CAST: variants seen among roughly 807,000 people sequenced by gnomAD.
CAST encodes the protein calpastatin.
A neutral mutation model predicts 119.6 loss-of-function variants in CAST; 76 were observed. The observed-to-expected ratio is 0.64, with a 90% CI of 0.53 to 0.77. The LOEUF (loss-of-function observed/expected upper bound fraction) is 0.77. Among genes scored for constraint, CAST ranks in the 30% least tolerant of loss-of-function variants. CAST has a pLI of 0.00. For synonymous variants in CAST, 319 were observed against 331.6 expected, an observed-to-expected ratio of 0.96 and a Z score of 0.41; for missense variants, 953 against 946.5, an observed-to-expected ratio of 1.01 and a Z score of -0.09.
chr5:96,254,327 T>G, the CAST span, among the ~76,000 whole-genome samples: 1 of 152,132 alleles, frequency 6.6e-6, no homozygotes, highest in Non-Finnish European at 1.5e-5. Context: ...ATGTTATTAC[T>G]TATTTCAGAA....
Position 96,741,301 on chromosome 5 carries a change from G to A in CAST, c.954G>A (p.Leu318=), listed in dbSNP as rs529588489. 8.4e-5 allele frequency: 135 copies of A among 1,613,294 alleles called. No individual in the cohort carries two copies. The highest frequency in any genetic ancestry group is 1.1e-4 in the Non-Finnish European group (124 of 1,179,288). Residue 318 remains leucine, a synonymous_variant, in exon 14 of 32, where the codon TTG becomes TTA. Transcript: ENST00000675179. Reference sequence around the variant, plus strand: ...GGCCAGATGATGCTATAGACGCCTTGTCATCTGACTTCACCTGTGGGTCGC... The same window carrying A: ...GGCCAGATGATGCTATAGACGCCTTATCATCTGACTTCACCTGTGGGTCGC... ...PIGPDDAIDA[L]SSDFTCGSPT...
At chr5:96,740,980 A>G (rs1175115088) in intron 13 of CAST, 197 bp downstream of exon 13, 2 of 597,110 alleles carry the variant, frequency 3.3e-6, no homozygotes, top group African/African-American at 3.7e-5. Flanking sequence ...AGGTTTTTTG[A>G]GGGAAAGGAG....
the CAST span, among the ~76,000 whole-genome samples, chr5:96,256,603 A>G: frequency 6.6e-6 from 1 of 151,442 alleles, no homozygotes; most frequent in Admixed American, 6.6e-5. Context: ...GGCAGTTATA[A>G]CACAATGCTA....
At chr5:96,538,756 C>CTCAGCTACATGATCTTCTTG (rs11272739) in intron 1 of CAST, among the ~76,000 whole-genome samples, 70,827 of 151,336 alleles carry the variant, frequency 0.47, 17,250 homozygotes, top group East Asian at 0.86. Context: ...ACACCGCTCC[C>CTCAGCTACATGATCTTCTTG]TCAGAAATGA....
intron 2 of CAST, among the ~76,000 whole-genome samples, chr5:96,686,720 G>A (rs1480354618): frequency 6.6e-6 from 1 of 152,118 alleles, no homozygotes; most frequent in Admixed American, 6.5e-5. Flanking sequence ...AAGAACAGCA[G>A]ATAAAGCAAT....
At chr5:96,663,393 G>T (rs1487309646) in intron 1 of CAST, among the ~76,000 whole-genome samples, 1 of 152,204 alleles carries the variant, frequency 6.6e-6, no homozygotes, top group Admixed American at 6.5e-5. Flanking sequence ...CGTGCGCGGC[G>T]CATGCACCTC....
chr5:96,079,300 T>C, the CAST span: 1 of 327,858 alleles, frequency 3.1e-6, no homozygotes, highest in Non-Finnish European at 6.2e-6. Flanking sequence ...GGCTTGTTAC[T>C]CATTTGGCTA....
At chr5:96,633,881 C>T (rs1735271911) in intron 1 of CAST, among the ~76,000 whole-genome samples, 1 of 152,200 alleles carries the variant, frequency 6.6e-6, no homozygotes, top group South Asian at 2.1e-4. Flanking sequence ...TTCAGGCCTT[C>T]CCCTGTTAAA....
chr5:96,684,149 G>A (rs1751773929), intron 2 of CAST, among the ~76,000 whole-genome samples: 1 of 152,138 alleles, frequency 6.6e-6, no homozygotes, highest in Non-Finnish European at 1.5e-5. Context: ...CTCACTAAGG[G>A]CACATTCCTT....
chr5:96,749,826 A>G (rs752077256), intron 19 of CAST, among the ~76,000 whole-genome samples: 9 of 152,242 alleles, frequency 5.9e-5, no homozygotes, highest in African/African-American at 9.6e-5. Flanking sequence ...GATCACAGGC[A>G]TGAGCCACCA....
chr5:96,529,307 C>A (rs1396368309), upstream of CAST, among the ~76,000 whole-genome samples: 1 of 151,360 alleles, frequency 6.6e-6, no homozygotes, highest in Non-Finnish European at 1.5e-5. Context: ...GTGATAAATG[C>A]CAGTTAAAAG....
At chr5:96,078,012 A>G in the CAST span, among the ~76,000 whole-genome samples, 1 of 152,316 alleles carries the variant, frequency 6.6e-6, no homozygotes, top group East Asian at 1.9e-4. Flanking sequence ...ATCTGAAACC[A>G]TCTCACTACA....
At chr5:96,180,372 A>C in the CAST span, among the ~76,000 whole-genome samples, 1 of 152,214 alleles carries the variant, frequency 6.6e-6, no homozygotes, top group Non-Finnish European at 1.5e-5. Context: ...AACAAGCTTA[A>C]AGTTGTGAGA....
the CAST span, among the ~76,000 whole-genome samples, chr5:96,175,013 A>T: frequency 6.6e-6 from 1 of 152,334 alleles, no homozygotes; most frequent in East Asian, 1.9e-4. Flanking sequence ...ATTTTCTAAT[A>T]TATATGAAAA....
In CAST at chr5:96,773,496, G is replaced by A. The variant is rs1437007632; in HGVS notation, c.*880G>A. 6.6e-6 allele frequency: 1 copy of A among 152,274 alleles called. No homozygotes were observed. Among genetic ancestry groups the A allele is most frequent in the Non-Finnish European group, 1.5e-5 (1 of 68,004 alleles). 9.4% of individuals were successfully genotyped at this position (152,274 alleles called of 1,614,324 possible). ...TATACATAAAACCTGAGCAGCAACT[G>A]TGTCTTTAGAGCTATTGCCACATTA... On this transcript the variant is annotated 3_prime_UTR_variant, in exon 32 of 32. Transcript: ENST00000675179.
chr5:96,684,504 C>A (rs562210779), intron 2 of CAST, among the ~76,000 whole-genome samples: 9 of 151,852 alleles, frequency 5.9e-5, no homozygotes, highest in Admixed American at 2.0e-4. Flanking sequence ...GTAAAACCAA[C>A]TACATGCAAC....
intron 9 of CAST, among the ~76,000 whole-genome samples, chr5:96,733,593 A>G (rs969649836): frequency 1.4e-4 from 22 of 152,324 alleles, no homozygotes; most frequent in Admixed American, 2.6e-4. Context: ...ATTAAATAGG[A>G]TTTAATGACT....
At chr5:96,139,267 G>C in the CAST span, among the ~76,000 whole-genome samples, 1 of 151,462 alleles carries the variant, frequency 6.6e-6, no homozygotes, top group Admixed American at 6.6e-5. Flanking sequence ...TAAACTTCAA[G>C]CTCCTTTTAT....
chr5:96,177,535 ATG>A, the CAST span, among the ~76,000 whole-genome samples: 1 of 152,216 alleles, frequency 6.6e-6, no homozygotes, highest in African/African-American at 2.4e-5. Flanking sequence ...CAAGCTGAAT[ATG>A]TGCATGTGCT....
Sources: gnomAD v4.1 joint callset for allele counts (sites outside exome capture counted in the v4.1 genomes callset) on GRCh38, gnomAD v4.1.1 for gene constraint, MANE v1.5 for transcripts, NCBI Gene and HGNC (gene_info 2026-07-23, HGNC 2026-07-21) for gene names.